PDE1C: variants seen among roughly 807,000 people sequenced by gnomAD.
PDE1C encodes phosphodiesterase 1C.
In PDE1C, 62 loss-of-function variants were observed where a neutral mutation model predicts 93.1. The ratio of observed to expected loss-of-function variants is 0.67; its 90% CI spans 0.54 to 0.82. The LOEUF (loss-of-function observed/expected upper bound fraction) is 0.82. Ranked by LOEUF, PDE1C falls within the 40% of genes least tolerant of loss-of-function variation. The pLI is 0.00. For missense variants in PDE1C, 742 were observed against 884.6 expected (o/e 0.84, Z 2.04); for synonymous variants, 325 against 310.1 (o/e 1.05, Z -0.50).
chr7:32,012,210 G>C (rs1209448492), intron 2 of PDE1C, among the ~76,000 whole-genome samples: 1 of 152,198 alleles, frequency 6.6e-6, no homozygotes, highest in Non-Finnish European at 1.5e-5. Flanking sequence ...ACCAACACTG[G>C]CTTGGCCTCT....
chr7:31,891,982 T>C (rs926128794), intron 2 of PDE1C, among the ~76,000 whole-genome samples: 5 of 152,238 alleles, frequency 3.3e-5, no homozygotes, highest in Admixed American at 1.3e-4. Flanking sequence ...GGAATTCCTC[T>C]GTATTATTTC....
intron 2 of PDE1C, among the ~76,000 whole-genome samples, chr7:32,030,053 C>T (rs1028966497): frequency 6.9e-6 from 1 of 145,648 alleles, no homozygotes; most frequent in African/African-American, 2.5e-5. Context: ...AGTGAAAAAG[C>T]AAGTTGCTGA....
At chr7:32,188,247 A>G (rs1001591806) in intron 2 of PDE1C, among the ~76,000 whole-genome samples, 1 of 151,704 alleles carries the variant, frequency 6.6e-6, no homozygotes, top group South Asian at 2.1e-4. Flanking sequence ...AATTATTTCT[A>G]TTGAACACAG....
At chr7:32,209,180 G>A (rs748640622) in intron 2 of PDE1C, among the ~76,000 whole-genome samples, 6 of 152,150 alleles carry the variant, frequency 3.9e-5, no homozygotes, top group South Asian at 2.1e-4. Context: ...AGGGGTGGTC[G>A]GGGGACTGAG....
intron 2 of PDE1C, among the ~76,000 whole-genome samples, chr7:32,047,893 C>T (rs925338360): frequency 1.3e-5 from 2 of 152,144 alleles, no homozygotes; most frequent in Non-Finnish European, 2.9e-5. Context: ...CTATATTAAG[C>T]CACCTACTTT....
chr7:32,357,274 C>T (rs1784048513), intron 1 of PDE1C, among the ~76,000 whole-genome samples: 1 of 151,666 alleles, frequency 6.6e-6, no homozygotes, highest in African/African-American at 2.4e-5. Flanking sequence ...GTGGAGCTTG[C>T]AGTGAGCAGA....
intron 2 of PDE1C, among the ~76,000 whole-genome samples, chr7:32,005,336 C>G (rs1236298959): frequency 6.6e-6 from 1 of 151,888 alleles, no homozygotes; most frequent in African/African-American, 2.4e-5. Flanking sequence ...GCAGGCAGAT[C>G]ATGATGTCAG....
At chr7:31,782,186 TA>T (rs1425361638) in intron 16 of PDE1C, among the ~76,000 whole-genome samples, 1 of 152,254 alleles carries the variant, frequency 6.6e-6, no homozygotes, top group Non-Finnish European at 1.5e-5. Flanking sequence ...ATTATGCTGC[TA>T]TTGAAATTAT....
rs1393051394 is a variant in PDE1C, at chr7:31,873,334, G to A, written c.567C>T (p.Phe189=). Reference sequence around the variant, plus strand: ...GATCATAACGTGTGAGTAGTTCATAGAAAATAAATTTCAGTGCATGATCCC... The same window carrying A: ...GATCATAACGTGTGAGTAGTTCATAAAAAATAAATTTCAGTGCATGATCCC... ...ASGDHALKFI[F]YELLTRYDLI... The change falls in exon 6 of 18, where the codon TTC becomes TTT. Residue 189 remains phenylalanine (F), a synonymous_variant. Coordinates refer to ENST00000396191, the MANE Select transcript of PDE1C (RefSeq NM_001191057.4). The A allele has an allele frequency of 2.5e-6, 4 of 1,613,594 alleles. No individual in the cohort carries two copies. The highest frequency in any genetic ancestry group is 2.5e-6 in the Non-Finnish European group (3 of 1,179,654).
intron 17 of PDE1C, 46 bp from the exon 18 acceptor site, chr7:31,753,599 C>T (rs756282987): frequency 1.6e-4 from 244 of 1,571,224 alleles, no homozygotes; most frequent in Non-Finnish European, 2.0e-4. Context: ...GCCTCACCCA[C>T]GACATGCCAC....
At chr7:32,012,396 A>G (rs771296062) in intron 2 of PDE1C, among the ~76,000 whole-genome samples, 2 of 152,160 alleles carry the variant, frequency 1.3e-5, no homozygotes, top group Non-Finnish European at 2.9e-5. Context: ...CACCAAGTGG[A>G]TGTAGGAACT....
chr7:32,033,282 T>G (rs1364309459), intron 2 of PDE1C, among the ~76,000 whole-genome samples: 1 of 152,144 alleles, frequency 6.6e-6, no homozygotes, highest in Non-Finnish European at 1.5e-5. Context: ...AAGCGAGCCA[T>G]GAAATATAGT....
chr7:32,324,758 G>A (rs932295371), intron 1 of PDE1C, among the ~76,000 whole-genome samples: 2 of 152,164 alleles, frequency 1.3e-5, no homozygotes, highest in African/African-American at 4.8e-5. Flanking sequence ...AGACCAGCCT[G>A]GGCTACATAG....
In PDE1C at chr7:32,373,488, A is replaced by C. The variant is rs545665700; in HGVS notation, c.310+54334T>G. Among the ~76,000 whole-genome samples, 6 of 152,340 alleles carry C rather than the reference A, an allele frequency of 3.9e-5. No homozygotes were observed. The East Asian group carries it at 1.2e-3, about 29-fold the overall frequency. ...GGAGAAGATTGGGAGGAAAATGAAG[A>C]GTGACTGCTAATGGATATGGGATTT... On this transcript the variant is annotated intron_variant, in intron 1 of 1. Coordinates refer to the PDE1C transcript ENST00000672256.
intron 16 of PDE1C, among the ~76,000 whole-genome samples, chr7:31,805,976 T>A (rs1786773039): frequency 6.6e-6 from 1 of 151,912 alleles, no homozygotes; most frequent in Non-Finnish European, 1.5e-5. Context: ...TTTGGGTTGT[T>A]TCAGGTGGGA....
chr7:32,070,779 T>G, upstream of PDE1C: 2 of 1,009,272 alleles, frequency 2.0e-6, no homozygotes, highest in Non-Finnish European at 2.4e-6. Context: ...AGCTAAAGGG[T>G]TTGGAGGTGA....
chr7:32,365,708 G>A (rs948441455), intron 1 of PDE1C, among the ~76,000 whole-genome samples: 13 of 152,062 alleles, frequency 8.5e-5, no homozygotes, highest in African/African-American at 3.1e-4. Flanking sequence ...CCTCAAGATG[G>A]TCAACCCACC....
In PDE1C at chr7:32,388,959, T is replaced by C. The variant is rs577751228; in HGVS notation, c.310+38863A>G. 2.8e-4 allele frequency among the ~76,000 whole-genome samples: 42 copies of C among 152,286 alleles called. No individual in the cohort carries two copies. In the South Asian group the frequency reaches 4.8e-3, roughly 17 times the overall value. On this transcript the variant is annotated intron_variant, in intron 1 of 1. Coordinates refer to the PDE1C transcript ENST00000672256. The stretch of plus-strand genomic sequence containing the variant: ...AAATTTCATTGAAAGTGATGCCAGG[T>C]TGACTAGTAAATCCTAACCAGAATG...
intron 14 of PDE1C, among the ~76,000 whole-genome samples, chr7:31,816,963 T>C (rs1014274312): frequency 6.6e-6 from 1 of 152,136 alleles, no homozygotes; most frequent in African/African-American, 2.4e-5. Context: ...GGTTAAGTAT[T>C]TATGAAAAGA....
Sources: gnomAD v4.1 joint callset for allele counts (sites outside exome capture counted in the v4.1 genomes callset) on GRCh38, gnomAD v4.1.1 for gene constraint, MANE v1.5 for transcripts, NCBI Gene and HGNC (gene_info 2026-07-23, HGNC 2026-07-21) for gene names.